Variants in EVC observed in about 807,000 individuals in gnomAD.
EVC encodes the protein evC complex member EVC.
Under a neutral mutation model 118.9 loss-of-function variants are expected in EVC, and 116 were observed. That is an observed-to-expected ratio of 0.98 (90% confidence interval 0.84 to 1.14). EVC has a LOEUF of 1.14. Ranked by LOEUF, EVC falls within the 50% of genes most tolerant of loss-of-function variation. EVC has a pLI of 0.00. For missense variants in EVC, 1,401 were observed against 1,246.4 expected, an observed-to-expected ratio of 1.12 and a Z score of -1.87; for synonymous variants, 619 against 534.7, an observed-to-expected ratio of 1.16 and a Z score of -2.18.
downstream of EVC, among the ~76,000 whole-genome samples, chr4:5,817,321 C>T (rs1441951745): frequency 1.3e-5 from 2 of 152,172 alleles, no homozygotes; most frequent in African/African-American, 4.8e-5. Flanking sequence ...GTTTGGCTCC[C>T]GTCTGATAGG....
chr4:5,739,040 T>C (rs1412663435), intron 5 of EVC, among the ~76,000 whole-genome samples: 1 of 152,178 alleles, frequency 6.6e-6, no homozygotes, highest in Non-Finnish European at 1.5e-5. Flanking sequence ...AAAAAATGTG[T>C]GCGGCTTGCT....
At chr4:5,810,853 C>A in intron 20 of EVC, 100 bp from the exon 21 acceptor site, 1 of 1,173,834 alleles carries the variant, frequency 8.5e-7, no homozygotes, top group Non-Finnish European at 1.2e-6. Context: ...TTTTGATCAC[C>A]TTTGGCTGCA....
At chr4:5,825,576 G>C in the EVC span, 2 of 1,601,904 alleles carry the variant, frequency 1.2e-6, no homozygotes, top group African/African-American at 1.3e-5. This position sits in a 1 kb window ranked among gnomAD's most constrained non-coding sequence, Gnocchi z 4.4. Context: ...CTGAAGGAGC[G>C]GGAGTTGCAT....
the EVC span, among the ~76,000 whole-genome samples, chr4:5,824,065 C>A: frequency 6.6e-6 from 1 of 152,102 alleles, no homozygotes; most frequent in Non-Finnish European, 1.5e-5. Flanking sequence ...TGAGGAGGGG[C>A]CCTTCCAGGT....
chr4:5,732,477 G>A (rs1726979782), intron 4 of EVC, among the ~76,000 whole-genome samples: 1 of 152,208 alleles, frequency 6.6e-6, no homozygotes, highest in African/African-American at 2.4e-5. Context: ...TCAGCATTTG[G>A]GACTTAGAGG....
At chr4:5,821,891 AGCATCAGTTCCAC>A in the EVC span, 1 of 1,470,716 alleles carries the variant, frequency 6.8e-7, no homozygotes, top group South Asian at 1.2e-5. The surrounding 1 kb of genome is among the most constrained non-coding windows in gnomAD (Gnocchi z 4.4). Context: ...GGGATCTGTT[AGCATCAGTTCCAC>A]GCTGCTCCTG....
chr4:5,824,784 C>T, the EVC span: 21 of 982,308 alleles, frequency 2.1e-5, no homozygotes, highest in Middle Eastern at 5.2e-4. Flanking sequence ...ACCCATGCAA[C>T]GCCTCAAAGA....
rs35554149 is a variant in EVC, at chr4:5,801,671, CAAAA to C, written c.2305-261_2305-258del. ...TAGGCAACAGAGTGAGTCTCCATCT[CAAAA>C]AAAAAAAAAAAAAAAAAGATGCGGG... On this transcript the variant is annotated intron_variant, in intron 15 of 20. Coordinates refer to ENST00000264956, the MANE Select transcript of EVC (RefSeq NM_153717.3). The C allele has an allele frequency of 0.3, 72,012 of 242,198 alleles. 5,513 individuals are homozygous for C. The highest frequency in any genetic ancestry group is 0.37 in the East Asian group (4,245 of 11,330). 15.0% of individuals were successfully genotyped at this position (242,198 alleles called of 1,614,324 possible).
intron 12 of EVC, among the ~76,000 whole-genome samples, chr4:5,793,039 G>A (rs75710701): frequency 0.09 from 13,640 of 152,144 alleles, 850 homozygotes; most frequent in African/African-American, 0.18. Context: ...AACTTGACCA[G>A]CTGATCCTAA....
chr4:5,726,568 C>CTTTTTTTTTTTT (rs34483285), intron 2 of EVC, among the ~76,000 whole-genome samples: 3 of 134,498 alleles, frequency 2.2e-5, no homozygotes, highest in Admixed American at 7.6e-5. Flanking sequence ...CTTCTCTTTT[C>CTTTTTTTTTTTT]TTTTTTTTTT....
intron 17 of EVC, among the ~76,000 whole-genome samples, chr4:5,807,381 G>C (rs991285739): frequency 3.9e-5 from 6 of 152,220 alleles, no homozygotes; most frequent in Non-Finnish European, 1.5e-5. Flanking sequence ...GGTAGGAGCA[G>C]GGTGGCATTT....
chr4:5,716,095 A>G (rs1024057484), intron 1 of EVC, among the ~76,000 whole-genome samples: 2 of 152,216 alleles, frequency 1.3e-5, no homozygotes, highest in Admixed American at 6.5e-5. Context: ...CACCTGGCAC[A>G]GTAAGACCAG....
At position 5,813,036 on chromosome 4, in the gene EVC, A is replaced by C. The variant is rs1297556714; in HGVS notation, c.*1999A>C. The stretch of plus-strand genomic sequence containing the variant: ...ACCTGAAATAGACTCTCTTAGAAAC[A>C]AGTGACTCCTTCCCAGTGGCCAAAA... On this transcript the variant is annotated 3_prime_UTR_variant, in exon 21 of 21. Transcript: ENST00000264956. The C allele has an allele frequency of 1.3e-5, 2 of 152,162 alleles. No homozygotes were observed. The highest frequency in any genetic ancestry group is 4.8e-5 in the African/African-American group (2 of 41,434). The allele number at this position is 152,162 out of a possible 1,614,324, so 9.4% of individuals were successfully genotyped here.
the EVC span, chr4:5,826,478 A>AGGACACCTCCACACCAGCCTGCG: frequency 1.3e-5 from 2 of 148,856 alleles, no homozygotes; most frequent in Non-Finnish European, 3.0e-5. Flanking sequence ...ACCAGCCTGC[A>AGGACACCTCCACACCAGCCTGCG]GGAGGACGAG....
rs1712302762 is a variant in EVC at position 5,789,258 on chromosome 4, A to G, written c.1777-4350A>G. 6.6e-6 allele frequency among the ~76,000 whole-genome samples: 1 copy of G among 152,094 alleles called. No individual in the cohort carries two copies. Among genetic ancestry groups the G allele is most frequent in the African/African-American group, 2.4e-5 (1 of 41,398 alleles). Reference sequence around the variant, plus strand: ...GTCAGAGTCCTCGCCACACTCTGCAAAGCCCACCATGTCAGGCCCTGGCTG... The same window carrying G: ...GTCAGAGTCCTCGCCACACTCTGCAGAGCCCACCATGTCAGGCCCTGGCTG... On this transcript the variant is annotated intron_variant, in intron 12 of 20. Transcript: ENST00000264956. This position sits in a 1 kb window ranked among gnomAD's most constrained non-coding sequence, Gnocchi z 4.3.
intron 13 of EVC, among the ~76,000 whole-genome samples, chr4:5,794,360 T>C (rs1323159763): frequency 7.0e-6 from 1 of 142,382 alleles, no homozygotes; most frequent in East Asian, 2.0e-4. Context: ...TATATTTATG[T>C]ATTTATATTT....
In EVC at chr4:5,770,244, T is replaced by A. The variant is rs7686087; in HGVS notation, c.1564-13308T>A. Among the ~76,000 whole-genome samples the A allele has an allele frequency of 7.9e-5, 12 of 152,000 alleles. 1 individual carries two copies. In the South Asian group the frequency reaches 2.5e-3, roughly 32 times the overall value. On this transcript the variant is annotated intron_variant, in intron 11 of 20. Coordinates refer to ENST00000264956, the MANE Select transcript of EVC (RefSeq NM_153717.3). ...TCAGCTACACTGGTATGGCTGACCC[T>A]CCGCCCCCACAGCTGCCCTGAGCCT...
At chr4:5,825,077 A>G in the EVC span, 1 of 985,428 alleles carries the variant, frequency 1.0e-6, no homozygotes, top group Non-Finnish European at 1.2e-6. This position sits in a 1 kb window ranked among gnomAD's most constrained non-coding sequence, Gnocchi z 4.4. Context: ...GAAAGTGCTT[A>G]GTACACTGCA....
intron 5 of EVC, among the ~76,000 whole-genome samples, chr4:5,736,067 G>T (rs552230815): frequency 6.6e-6 from 1 of 152,298 alleles, no homozygotes; most frequent in South Asian, 2.1e-4. Context: ...CCCTGAGGAG[G>T]AAGAAACTGG....
Sources: gnomAD v4.1 joint callset for allele counts (sites outside exome capture counted in the v4.1 genomes callset) on GRCh38, gnomAD v4.1.1 for gene constraint, Gnocchi (gnomAD v3.1) non-coding constraint, MANE v1.5 for transcripts, NCBI Gene and HGNC (gene_info 2026-07-23, HGNC 2026-07-21) for gene names.